AXL: variants seen among roughly 807,000 people sequenced by gnomAD.
AXL encodes the protein AXL receptor tyrosine kinase.
In AXL, 52 loss-of-function variants were observed where a neutral mutation model predicts 104.5. The observed-to-expected ratio is 0.50, with a 90% CI of 0.40 to 0.63. The LOEUF (loss-of-function observed/expected upper bound fraction) is 0.63, where lower values mean the gene tolerates loss of function less well. AXL is among the 20% of genes least tolerant of loss of function. The pLI, the probability that AXL is intolerant of heterozygous loss-of-function variation, is 0.00. For missense variants in AXL, 1,024 were observed against 1,188.5 expected, an observed-to-expected ratio of 0.86 and a Z score of 2.04; for synonymous variants, 455 against 473.7, an observed-to-expected ratio of 0.96 and a Z score of 0.51.
rs2034062921 is a variant in AXL, at chr19:41,235,400, A to C, written c.784-2544A>C. 2.2e-5 allele frequency among the ~76,000 whole-genome samples: 3 copies of C among 134,930 alleles called. No individual in the cohort carries two copies. In the Admixed American group the frequency reaches 2.3e-4, roughly 10 times the overall value. The allele number at this position is 134,930 out of a possible 152,430, so 88.5% of individuals were successfully genotyped here. On this transcript the variant is annotated intron_variant, in intron 6 of 19. Coordinates refer to ENST00000301178, the MANE Select transcript of AXL (RefSeq NM_021913.5). ...TAGATAGATAGATAGATAGATAGAT[A>C]GATAGATAGATAATAAATGACAGTA...
Position 41,219,280 on chromosome 19 carries a change from G to A in AXL, c.-113G>A. Reference sequence around the variant, plus strand: ...AGGGCCTCCCCTGCCGCTGTGCCAGGCAGGCAGTGCCAAATCCGGGGAGCC... The same window carrying A: ...AGGGCCTCCCCTGCCGCTGTGCCAGACAGGCAGTGCCAAATCCGGGGAGCC... On this transcript the variant is annotated 5_prime_UTR_variant, in exon 1 of 20. Coordinates refer to ENST00000301178, the MANE Select transcript of AXL (RefSeq NM_021913.5). 2 of 1,034,148 alleles carry A rather than the reference G, an allele frequency of 1.9e-6. No individual in the cohort carries two copies. The highest frequency in any genetic ancestry group is 1.4e-6 in the Non-Finnish European group (1 of 718,046). The allele number at this position is 1,034,148 out of a possible 1,614,324, so 64.1% of individuals were successfully genotyped here.
rs1388575389 is a variant in AXL at position 41,220,249 on chromosome 19, C to T, written c.86-387C>T. On this transcript the variant is annotated intron_variant, in intron 1 of 19. Transcript: ENST00000301178. ...CTCCGCCACCACCCTTATCTCCCCC[C>T]ACCACCACCCTTATCTCTCTCCCCC... Among the ~76,000 whole-genome samples the T allele has an allele frequency of 3.8e-5, 4 of 104,238 alleles. No homozygotes were observed. In the South Asian group the frequency reaches 9.0e-4, roughly 23 times the overall value. The allele number at this position is 104,238 out of a possible 152,430, so 68.4% of individuals were successfully genotyped here.
chr19:41,233,324 C>G (rs1332819843), intron 6 of AXL, among the ~76,000 whole-genome samples: 2 of 151,046 alleles, frequency 1.3e-5, no homozygotes, highest in South Asian at 2.2e-4. Context: ...CTTGATTAAA[C>G]AGGAATTGTC....
intron 4 of AXL, among the ~76,000 whole-genome samples, chr19:41,222,375 T>C (rs977520928): frequency 1.3e-5 from 2 of 152,198 alleles, no homozygotes; most frequent in Non-Finnish European, 2.9e-5. Context: ...TAGAATTCTT[T>C]GTCCTGGGTT....
chr19:41,235,389 G>A (rs200228731), intron 6 of AXL, among the ~76,000 whole-genome samples: 20 of 41,856 alleles, frequency 4.8e-4, no homozygotes, highest in African/African-American at 2.1e-3. Context: ...TAGATAGATA[G>A]ATAGATAGAT....
intron 12 of AXL, chr19:41,244,008 A>C: frequency 3.4e-6 from 1 of 290,188 alleles, no homozygotes; most frequent in Non-Finnish European, 6.5e-6. Flanking sequence ...GAGTTCGAGA[A>C]CAGCCTGGGC....
intron 11 of AXL, 104 bp from the exon 12 acceptor site, chr19:41,243,512 G>T: frequency 1.1e-6 from 1 of 886,720 alleles, no homozygotes; most frequent in South Asian, 1.4e-5. Context: ...TAGCACAGAG[G>T]GCAGGCAGGG....
intron 6 of AXL, among the ~76,000 whole-genome samples, chr19:41,235,283 G>A (rs1172739330): frequency 1.3e-5 from 2 of 151,986 alleles, no homozygotes; most frequent in Non-Finnish European, 2.9e-5. Flanking sequence ...CCTGGGAGGC[G>A]GAGGTTGCAG....
intron 8 of AXL, among the ~76,000 whole-genome samples, chr19:41,238,934 G>T (rs957370024): frequency 6.6e-6 from 1 of 152,064 alleles, no homozygotes; most frequent in East Asian, 1.9e-4. Context: ...TCCTATCAGG[G>T]CTAGCAATAC....
intron 6 of AXL, among the ~76,000 whole-genome samples, chr19:41,233,929 A>C (rs80197793): frequency 0.065 from 9,908 of 152,056 alleles, 697 homozygotes; most frequent in African/African-American, 0.17. Context: ...CTAGGGCTGA[A>C]GAGTTCCAGT....
chr19:41,248,469 G>A (rs1236711983), intron 12 of AXL, 45 bp from the exon 13 acceptor site: 1 of 1,581,424 alleles, frequency 6.3e-7, no homozygotes, highest in Non-Finnish European at 8.7e-7. Context: ...TCACCTGAAT[G>A]TCAGCCCTGC....
intron 2 of AXL, 59 bp downstream of exon 2, chr19:41,220,917 C>T: frequency 6.3e-7 from 1 of 1,577,320 alleles, no homozygotes. Flanking sequence ...GGCAGAAAGC[C>T]CACCTGGGTG....
In AXL at chr19:41,221,074, C is replaced by T. The variant is rs142519150; in HGVS notation, c.309-72C>T. On this transcript the variant is annotated intron_variant, in intron 2 of 19. Transcript: ENST00000301178. ...GCTTCCAGACTGGACACCCTCTTTCCGTTCTGACAGACCCCCTCCCAGTGT... is the reference window on the plus strand; with the variant it reads ...GCTTCCAGACTGGACACCCTCTTTCTGTTCTGACAGACCCCCTCCCAGTGT... 8.0e-4 allele frequency: 1,132 copies of T among 1,416,702 alleles called. 8 individuals are homozygous for T. The African/African-American group carries it at 0.014, about 18-fold the overall frequency. 87.8% of individuals were successfully genotyped at this position (1,416,702 alleles called of 1,614,324 possible). A position where few individuals can be genotyped will look rare whatever the true frequency, so the allele number is the denominator to read the frequency against.
At position 41,256,428 on chromosome 19, in the gene AXL, T is replaced by G. The variant is rs1246325023; in HGVS notation, c.2037-24T>G. On this transcript the variant is annotated intron_variant, in intron 17 of 19. Coordinates refer to ENST00000301178, the MANE Select transcript of AXL (RefSeq NM_021913.5). ...GTGGAGGTGACTGATGCCCTGACCC[T>G]GTTCCTTTCCCCAATCCAAACAGGC... 3 of 1,605,400 alleles carry G rather than the reference T, an allele frequency of 1.9e-6. No individual in the cohort carries two copies. In the South Asian group the frequency reaches 3.3e-5, roughly 18 times the overall value.
chr19:41,231,449 AT>A, intron 6 of AXL, 151 bp downstream of exon 6: 40 of 718,344 alleles, frequency 5.6e-5, no homozygotes, highest in Middle Eastern at 2.6e-4. Flanking sequence ...CTGGGTTCGA[AT>A]CCTAGCTCCA....
chr19:41,238,416 G>T, intron 7 of AXL, 54 bp from the exon 8 acceptor site: 1 of 1,588,110 alleles, frequency 6.3e-7, no homozygotes, highest in Middle Eastern at 2.1e-4. Flanking sequence ...GGGAACAGGG[G>T]AGGGGGTCAG....
rs2033983887 is a variant in AXL, at chr19:41,231,276, C to T, written c.761C>T (p.Pro254Leu). 6.2e-7 allele frequency: 1 copy of T among 1,613,572 alleles called. No individual in the cohort carries two copies. Among genetic ancestry groups the T allele is most frequent in the African/African-American group, 1.3e-5 (1 of 74,886 alleles). Residue 254 changes from proline to leucine, a missense_variant, in exon 6 of 20, where the codon CCC becomes CTC. Around this residue, in one of 5 missense-constraint regions of AXL, gnomAD observed 332 missense variants for 343.9 expected, o/e 0.97. Coordinates refer to ENST00000301178, the MANE Select transcript of AXL (RefSeq NM_021913.5). ...AWTPGLSGIY[P>L]LTHCTLQAVL... ...ACTCCAGGCCTGAGCGGCATCTACCCCCTGACCCACTGCACCCTGCAGGTG... is the reference window on the plus strand; with the variant it reads ...ACTCCAGGCCTGAGCGGCATCTACCTCCTGACCCACTGCACCCTGCAGGTG...
chr19:41,220,491 C>A, intron 1 of AXL, 145 bp from the exon 2 acceptor site: 2 of 669,920 alleles, frequency 3.0e-6, no homozygotes, highest in Non-Finnish European at 5.1e-6. Context: ...CGCCCTCCAC[C>A]CCACTCTGAG....
intron 4 of AXL, among the ~76,000 whole-genome samples, chr19:41,229,227 G>A (rs996356907): frequency 4.0e-5 from 6 of 151,384 alleles, no homozygotes; most frequent in Admixed American, 1.3e-4. Flanking sequence ...GGGATTACGG[G>A]CATGAACCAC....
Sources: gnomAD v4.1 joint callset for allele counts (sites outside exome capture counted in the v4.1 genomes callset) on GRCh38, gnomAD v4.1.1 for gene constraint, gnomAD v4.1.1 regional missense constraint, MANE v1.5 for transcripts, NCBI Gene and HGNC (gene_info 2026-07-23, HGNC 2026-07-21) for gene names.